Variants in ENOSF1 observed in about 807,000 individuals in gnomAD.
The protein encoded by ENOSF1 is mitochondrial enolase superfamily member 1.
ENOSF1 carries 73 observed loss-of-function variants against 68.2 expected under a neutral mutation model. The ratio of observed to expected loss-of-function variants is 1.07; its 90% CI spans 0.89 to 1.30. The LOEUF (loss-of-function observed/expected upper bound fraction) is 1.30. Ranked by LOEUF, ENOSF1 falls within the 50% of genes most tolerant of loss-of-function variation. ENOSF1 has a pLI of 0.00. For synonymous variants in ENOSF1, 223 were observed against 210.4 expected, an observed-to-expected ratio of 1.06 and a Z score of -0.52; for missense variants, 589 against 554.5, an observed-to-expected ratio of 1.06 and a Z score of -0.62.
In ENOSF1 at chr18:677,422, A is replaced by T; in HGVS notation, c.1071T>A (p.Gly357=). ...GCACCAGTTCACAGAGGCCAACTCC[A>T]CCAGCATGGGGGCAAACAGGAACTA... is the stretch of plus-strand genomic sequence containing the variant. ...KFEIPVCPHA[G]GVGLCELVQH... The change falls in exon 14 of 16, where the codon GGT becomes GGA. Residue 357 remains glycine, a synonymous_variant. Transcript: ENST00000647584. 6.2e-7 allele frequency: 1 copy of T among 1,613,688 alleles called. No individual in the cohort carries two copies. The highest frequency in any genetic ancestry group is 8.5e-7 in the Non-Finnish European group (1 of 1,179,952).
chr18:688,409 A>C (rs756973438), intron 9 of ENOSF1, 165 bp downstream of exon 9: 3 of 722,006 alleles, frequency 4.2e-6, no homozygotes, highest in Non-Finnish European at 6.8e-6. Context: ...CTGCCTTTAG[A>C]GAAAGAGCCT....
downstream of ENOSF1, chr18:669,136 C>T (rs770269195): frequency 4.8e-5 from 77 of 1,614,030 alleles, 1 homozygote; most frequent in Middle Eastern, 3.3e-4. Flanking sequence ...CCAACCCTGA[C>T]GACAGAAGAA....
At chr18:678,616 A>T in intron 12 of ENOSF1, 80 bp downstream of exon 12, 1 of 1,425,550 alleles carries the variant, frequency 7.0e-7, no homozygotes, top group East Asian at 2.3e-5. Context: ...GGAGCCTAAC[A>T]CACAACTGTG....
intron 1 of ENOSF1, among the ~76,000 whole-genome samples, chr18:711,683 T>A: frequency 6.6e-6 from 1 of 152,094 alleles, no homozygotes. Context: ...ACACCCTCAG[T>A]AAGCAAAAAA....
chr18:675,593 A>G (rs1423456784), intron 14 of ENOSF1, 191 bp from the exon 15 acceptor site: 3 of 584,810 alleles, frequency 5.1e-6, no homozygotes, highest in Admixed American at 5.6e-5. Context: ...AAATATAGCA[A>G]TGTGAGGTGG....
chr18:675,065 A>T (rs2075341590), intron 15 of ENOSF1, among the ~76,000 whole-genome samples: 1 of 152,114 alleles, frequency 6.6e-6, no homozygotes, highest in South Asian at 2.1e-4. Flanking sequence ...TTTTTTGCAC[A>T]AGGAGTGCAA....
intron 13 of ENOSF1, 55 bp downstream of exon 13, chr18:677,688 T>A (rs910431562): frequency 6.4e-7 from 1 of 1,569,998 alleles, no homozygotes; most frequent in African/African-American, 1.4e-5. Flanking sequence ...TCAAGGGAGG[T>A]GTCTGATTAG....
At chr18:666,413 A>T (rs1209606033), downstream of ENOSF1, among the ~76,000 whole-genome samples, 3 of 152,142 alleles carry the variant, frequency 2.0e-5, no homozygotes, top group Admixed American at 6.5e-5. Context: ...AGGTGGAGAA[A>T]GAATGAAACA....
At chr18:675,711 G>A (rs796506152) in intron 14 of ENOSF1, among the ~76,000 whole-genome samples, 11 of 152,250 alleles carry the variant, frequency 7.2e-5, no homozygotes, top group African/African-American at 2.6e-4. Flanking sequence ...GGGTTCCTCT[G>A]GTCAAAAGTC....
At chr18:699,802 G>A (rs1227356484) in intron 2 of ENOSF1, among the ~76,000 whole-genome samples, 1 of 152,178 alleles carries the variant, frequency 6.6e-6, no homozygotes, top group Non-Finnish European at 1.5e-5. Flanking sequence ...GCCCCAGGCT[G>A]GGCGCGGTGG....
chr18:688,475 G>A (rs933473344), intron 9 of ENOSF1, 99 bp downstream of exon 9: 34 of 1,518,910 alleles, frequency 2.2e-5, no homozygotes, highest in Middle Eastern at 3.5e-4. Flanking sequence ...ATCCTAGCCC[G>A]TGGGTGCCTT....
At chr18:708,439 G>C (rs2079168976) in intron 1 of ENOSF1, among the ~76,000 whole-genome samples, 1 of 152,124 alleles carries the variant, frequency 6.6e-6, no homozygotes. Context: ...GGGAGGCCAA[G>C]ACAGGAGGAT....
At chr18:668,021 A>G (rs2074890905), downstream of ENOSF1, among the ~76,000 whole-genome samples, 1 of 78,726 alleles carries the variant, frequency 1.3e-5, no homozygotes. Context: ...TAATGCACAG[A>G]AAGTTTCCCT....
intron 1 of ENOSF1, 177 bp downstream of exon 1, chr18:712,327 G>GCGGGAGGGAC (rs2079658188): frequency 6.5e-7 from 1 of 1,535,024 alleles, no homozygotes; most frequent in Non-Finnish European, 8.7e-7. Context: ...AGTCGGCGGG[G>GCGGGAGGGAC]CGGGAGGGAC....
At chr18:684,783 A>ACGTC (rs2076459536) in intron 10 of ENOSF1, among the ~76,000 whole-genome samples, 1 of 152,046 alleles carries the variant, frequency 6.6e-6, no homozygotes, top group Non-Finnish European at 1.5e-5. Flanking sequence ...GGAGAAATGG[A>ACGTC]CATCTCTACA....
chr18:700,890 C>G (rs1369058660), intron 2 of ENOSF1, among the ~76,000 whole-genome samples: 1 of 64,916 alleles, frequency 1.5e-5, no homozygotes, highest in Admixed American at 2.2e-4. Context: ...AACTCTGCCT[C>G]AAAAAAAAAA....
rs1256458655 is a variant in ENOSF1, at chr18:673,141, T to A, written c.*1164A>T. 1.1e-6 allele frequency: 1 copy of A among 883,758 alleles called. No individual in the cohort carries two copies. The highest frequency in any genetic ancestry group is 1.6e-6 in the Non-Finnish European group (1 of 617,728). The allele number at this position is 883,758 out of a possible 1,614,324, so 54.7% of individuals were successfully genotyped here. A position where few individuals can be genotyped will look rare whatever the true frequency, so the allele number is the denominator to read the frequency against. On this transcript the variant is annotated 3_prime_UTR_variant, in exon 16 of 16. Transcript: ENST00000647584. ...CCTATCAGTTATTAATTTTTAAGGA[T>A]GTTGCCACTGGCAAATGTAACTGTG...
intron 3 of ENOSF1, among the ~76,000 whole-genome samples, chr18:694,958 C>G (rs148477152): frequency 1.5e-4 from 23 of 152,210 alleles, no homozygotes; most frequent in African/African-American, 5.1e-4. Context: ...TTCCTGAAAA[C>G]AAGGATATTT....
rs537150772 is a variant in ENOSF1, at chr18:680,835, C to T, written c.877-2098G>A. ...AGCTGGGATTACAGGCACACATCAC[C>T]GCGCCCTGCTAATTTTTTTTTTTTT... On this transcript the variant is annotated intron_variant, in intron 11 of 15. Coordinates refer to ENST00000647584, the MANE Select transcript of ENOSF1 (RefSeq NM_017512.7). 3.2e-4 allele frequency among the ~76,000 whole-genome samples: 48 copies of T among 150,920 alleles called. 1 individual carries two copies. Among genetic ancestry groups the T allele is most frequent in the African/African-American group, 1.1e-3 (47 of 41,038 alleles).
Sources: gnomAD v4.1 joint callset for allele counts (sites outside exome capture counted in the v4.1 genomes callset) on GRCh38, gnomAD v4.1.1 for gene constraint, MANE v1.5 for transcripts, NCBI Gene and HGNC (gene_info 2026-07-23, HGNC 2026-07-21) for gene names.